COL4A2: variants seen among roughly 807,000 people sequenced by gnomAD.
The protein encoded by COL4A2 is collagen type IV alpha 2 chain.
COL4A2 carries 99 observed loss-of-function variants against 200.2 expected under a neutral mutation model. That is an observed-to-expected ratio of 0.49 (90% CI 0.42 to 0.58). COL4A2 has a LOEUF of 0.58. COL4A2 is among the 20% of genes least tolerant of loss of function. COL4A2 has a pLI of 0.00. For missense variants in COL4A2, 1,950 were observed against 2,314.1 expected, an observed-to-expected ratio of 0.84 and a Z score of 3.23; for synonymous variants, 897 against 900.6, an observed-to-expected ratio of 1.00 and a Z score of 0.07.
chr13:110,322,194 A>G (rs1375147043), intron 3 of COL4A2, among the ~76,000 whole-genome samples: 1 of 152,146 alleles, frequency 6.6e-6, no homozygotes, highest in Non-Finnish European at 1.5e-5. Flanking sequence ...ATGAAGGAGC[A>G]GGGGGCAAGG....
intron 3 of COL4A2, among the ~76,000 whole-genome samples, chr13:110,317,222 CACAG>C (rs1385062156): frequency 1.1e-4 from 16 of 151,000 alleles, no homozygotes; most frequent in Admixed American, 6.6e-4. Flanking sequence ...ACCCCACACA[CACAG>C]ACACACACAT....
At chr13:110,353,918 G>A (rs1877075607) in intron 3 of COL4A2, among the ~76,000 whole-genome samples, 1 of 152,200 alleles carries the variant, frequency 6.6e-6, no homozygotes, top group Non-Finnish European at 1.5e-5. Flanking sequence ...GTAGAAAAGT[G>A]TTACTGGGAG....
chr13:110,416,180 A>G (rs1880035753), intron 4 of COL4A2, among the ~76,000 whole-genome samples: 1 of 152,250 alleles, frequency 6.6e-6, no homozygotes, highest in Non-Finnish European at 1.5e-5. Context: ...CATGAGGGTG[A>G]TGCTCTGAGC....
intron 4 of COL4A2, among the ~76,000 whole-genome samples, chr13:110,421,567 G>A (rs1349713128): frequency 2.0e-5 from 3 of 152,224 alleles, no homozygotes; most frequent in Admixed American, 6.5e-5. Context: ...GGGAGGAAAG[G>A]GAATGGGGAG....
chr13:110,308,885 G>C (rs1216739581), intron 3 of COL4A2, among the ~76,000 whole-genome samples: 1 of 152,204 alleles, frequency 6.6e-6, no homozygotes, highest in Non-Finnish European at 1.5e-5. Flanking sequence ...GAAGAGGTTT[G>C]GTAGGTGAAT....
chr13:110,324,281 T>G (rs1433144860), intron 3 of COL4A2, among the ~76,000 whole-genome samples: 2 of 152,140 alleles, frequency 1.3e-5, no homozygotes, highest in African/African-American at 4.8e-5. Flanking sequence ...TGGAAGGTGG[T>G]CTGGTGGCCA....
At chr13:110,494,167 C>T (rs1475710404) in intron 39 of COL4A2, among the ~76,000 whole-genome samples, 1 of 152,172 alleles carries the variant, frequency 6.6e-6, no homozygotes, top group Admixed American at 6.5e-5. Context: ...GATATAAAGA[C>T]TCATTATTTC....
Position 110,307,290 on chromosome 13 carries a change from G to A in COL4A2, c.-283G>A. 2.6e-6 allele frequency: 1 copy of A among 391,058 alleles called. No homozygotes were observed. Among genetic ancestry groups the A allele is most frequent in the Non-Finnish European group, 4.5e-6 (1 of 221,168 alleles). The allele number at this position is 391,058 out of a possible 1,614,324, so 24.2% of individuals were successfully genotyped here. ...GCGGGAGCGCGCGGCCCGGGAGTGT[G>A]GCTGCAGTGCGCCGGGACACCAGGG... On this transcript the variant is annotated 5_prime_UTR_variant, in exon 1 of 48. Coordinates refer to ENST00000360467, the MANE Select transcript of COL4A2 (RefSeq NM_001846.4). This position sits in a 1 kb window ranked among gnomAD's most constrained non-coding sequence, Gnocchi z 5.0.
At chr13:110,308,037 T>C (rs1181071693) in intron 2 of COL4A2, 32 bp from the exon 3 acceptor site, 1 of 1,613,046 alleles carries the variant, frequency 6.2e-7, no homozygotes, top group Non-Finnish European at 8.5e-7. Flanking sequence ...GGCCCGCACG[T>C]TCACGTCTCT....
chr13:110,454,516 A>G (rs1289240000), intron 20 of COL4A2, among the ~76,000 whole-genome samples: 1 of 152,138 alleles, frequency 6.6e-6, no homozygotes, highest in Non-Finnish European at 1.5e-5. Context: ...GAGAGCTTGG[A>G]GACAGAGAAC....
chr13:110,341,569 A>G (rs1043158609), intron 3 of COL4A2, among the ~76,000 whole-genome samples: 2 of 152,212 alleles, frequency 1.3e-5, no homozygotes, highest in East Asian at 1.9e-4. Context: ...GGGAATGTCC[A>G]CCTGCACTGA....
At chr13:110,427,877 A>C (rs1880527646) in intron 6 of COL4A2, among the ~76,000 whole-genome samples, 1 of 152,232 alleles carries the variant, frequency 6.6e-6, no homozygotes, top group African/African-American at 2.4e-5. Context: ...AGAGGCAATC[A>C]GCTCTTCTAA....
chr13:110,326,688 G>T (rs971007365), intron 3 of COL4A2, among the ~76,000 whole-genome samples: 2 of 152,182 alleles, frequency 1.3e-5, no homozygotes, highest in African/African-American at 4.8e-5. Flanking sequence ...CCCCGCGCCT[G>T]TCTGGCTGCC....
At chr13:110,347,914 T>G (rs952706416) in intron 3 of COL4A2, among the ~76,000 whole-genome samples, 6 of 152,226 alleles carry the variant, frequency 3.9e-5, no homozygotes, top group African/African-American at 1.4e-4. Flanking sequence ...GCACCGAACG[T>G]CATGCCTCCT....
chr13:110,375,800 AG>A (rs1395283779), intron 4 of COL4A2, among the ~76,000 whole-genome samples: 2 of 152,076 alleles, frequency 1.3e-5, no homozygotes, highest in East Asian at 3.9e-4. Flanking sequence ...GCTGCACTCC[AG>A]CCTGGATGAC....
chr13:110,504,089 C>T (rs373463), intron 44 of COL4A2, 59 bp from the exon 45 acceptor site: 28 of 1,587,766 alleles, frequency 1.8e-5, no homozygotes, highest in African/African-American at 9.4e-5. Flanking sequence ...CTTTGTGGAT[C>T]GCCGGCCGTG....
intron 3 of COL4A2, among the ~76,000 whole-genome samples, chr13:110,322,549 TG>T (rs1885302660): frequency 6.6e-6 from 1 of 152,098 alleles, no homozygotes; most frequent in African/African-American, 2.4e-5. Flanking sequence ...AGAAGACATA[TG>T]GGGAACCCCG....
At chr13:110,423,929 A>G (rs1164358942) in intron 4 of COL4A2, among the ~76,000 whole-genome samples, 2 of 151,936 alleles carry the variant, frequency 1.3e-5, no homozygotes, top group Non-Finnish European at 1.5e-5. Flanking sequence ...GTCCTATTCC[A>G]TTGTGTGGGT....
At chr13:110,430,334 A>G (rs1237112144) in intron 8 of COL4A2, 67 bp from the exon 9 acceptor site, 6 of 1,585,910 alleles carry the variant, frequency 3.8e-6, no homozygotes, top group South Asian at 1.2e-5. Flanking sequence ...CAACTCTGCA[A>G]TAAAAGGTAA....
Sources: allele counts gnomAD v4.1 joint callset (sites outside exome capture counted in the v4.1 genomes callset), GRCh38; gene constraint gnomAD v4.1.1; non-coding constraint Gnocchi (gnomAD v3.1); transcripts MANE v1.5; gene names NCBI Gene and HGNC (gene_info 2026-07-23, HGNC 2026-07-21).